MAF: variants seen among roughly 807,000 people sequenced by gnomAD.
MAF encodes the protein transcription factor Maf.
Under a neutral mutation model 22.0 loss-of-function variants are expected in MAF, and 10 were observed. The ratio of observed to expected loss-of-function variants is 0.45; its 90% CI spans 0.28 to 0.77. The LOEUF (loss-of-function observed/expected upper bound fraction) is 0.77. Among genes scored for constraint, MAF ranks in the 30% least tolerant of loss-of-function variants. MAF has a pLI of 0.12. For missense variants in MAF, 544 were observed against 548.4 expected, an observed-to-expected ratio of 0.99 and a Z score of 0.08; for synonymous variants, 337 against 255.8, an observed-to-expected ratio of 1.32 and a Z score of -3.03.
the MAF span, among the ~76,000 whole-genome samples, chr16:79,485,278 C>A: frequency 2.6e-5 from 4 of 152,286 alleles, no homozygotes; most frequent in East Asian, 7.7e-4. Flanking sequence ...ATACTACTTG[C>A]CTCATAGGGT....
At chr16:79,562,345 T>G in the MAF span, among the ~76,000 whole-genome samples, 1 of 152,210 alleles carries the variant, frequency 6.6e-6, no homozygotes, top group African/African-American at 2.4e-5. Context: ...CTCACTGCCT[T>G]AAACAATAGT....
chr16:79,428,326 G>T, the MAF span, among the ~76,000 whole-genome samples: 1 of 152,090 alleles, frequency 6.6e-6, no homozygotes, highest in Non-Finnish European at 1.5e-5. Flanking sequence ...ACCCCTGGGG[G>T]TGGCAAGCAC....
the MAF span, among the ~76,000 whole-genome samples, chr16:79,518,217 A>C: frequency 1.3e-5 from 2 of 152,064 alleles, no homozygotes; most frequent in Admixed American, 1.3e-4. Context: ...AAAGTGGGGG[A>C]CCTGAGGTTT....
chr16:79,557,439 C>T, the MAF span, among the ~76,000 whole-genome samples: 1 of 151,958 alleles, frequency 6.6e-6, no homozygotes, highest in Non-Finnish European at 1.5e-5. Flanking sequence ...GAAATAGATC[C>T]CCCAATAGAG....
chr16:79,366,122 C>T, the MAF span, among the ~76,000 whole-genome samples: 3 of 152,176 alleles, frequency 2.0e-5, no homozygotes. Context: ...GCTAAGAACA[C>T]CCCTGGTTAA....
the MAF span, among the ~76,000 whole-genome samples, chr16:79,545,722 G>C: frequency 6.6e-6 from 1 of 152,186 alleles, no homozygotes; most frequent in East Asian, 1.9e-4. Flanking sequence ...GCAGAGAGTA[G>C]TACGGTGGTT....
At chr16:79,422,461 C>T in the MAF span, among the ~76,000 whole-genome samples, 1 of 152,148 alleles carries the variant, frequency 6.6e-6, no homozygotes, top group African/African-American at 2.4e-5. Context: ...AGACCTGATT[C>T]CCACCTTGAC....
At chr16:79,387,087 T>G in the MAF span, among the ~76,000 whole-genome samples, 1 of 152,236 alleles carries the variant, frequency 6.6e-6, no homozygotes, top group South Asian at 2.1e-4. Flanking sequence ...TTTTTGGTTT[T>G]GTTATTATTA....
chr16:79,295,358 G>A, the MAF span, among the ~76,000 whole-genome samples: 11 of 152,366 alleles, frequency 7.2e-5, no homozygotes, highest in East Asian at 5.8e-4. Flanking sequence ...GCACAGCCAC[G>A]TGGTGGAAGA....
chr16:79,409,429 C>A, the MAF span, among the ~76,000 whole-genome samples: 3 of 152,214 alleles, frequency 2.0e-5, no homozygotes, highest in Non-Finnish European at 4.4e-5. Flanking sequence ...TGTTTCTGAG[C>A]CTGCCAGGTG....
chr16:79,425,915 T>A, the MAF span, among the ~76,000 whole-genome samples: 1 of 152,308 alleles, frequency 6.6e-6, no homozygotes, highest in South Asian at 2.1e-4. Context: ...AACATTCAGA[T>A]TCTAAGTTGG....
the MAF span, among the ~76,000 whole-genome samples, chr16:79,390,557 A>G: frequency 5.3e-5 from 8 of 152,210 alleles, no homozygotes; most frequent in African/African-American, 1.9e-4. Flanking sequence ...ACAATTACAC[A>G]TCAAGGAACA....
chr16:79,494,851 G>T, the MAF span, among the ~76,000 whole-genome samples: 1 of 152,248 alleles, frequency 6.6e-6, no homozygotes, highest in East Asian at 1.9e-4. Flanking sequence ...TATAAATTGG[G>T]GGTTCCCAAG....
the MAF span, chr16:79,211,644 G>T: frequency 3.7e-6 from 6 of 1,614,180 alleles, no homozygotes; most frequent in Non-Finnish European, 5.1e-6. Context: ...CTGTGCTGCT[G>T]TCCCAGAACT....
At chr16:79,255,077 T>A in the MAF span, among the ~76,000 whole-genome samples, 4 of 152,242 alleles carry the variant, frequency 2.6e-5, no homozygotes, top group Non-Finnish European at 5.9e-5. Flanking sequence ...TTATGTCTCC[T>A]GAAAACGTCT....
the MAF span, among the ~76,000 whole-genome samples, chr16:79,290,955 C>T: frequency 1.3e-5 from 2 of 152,060 alleles, no homozygotes; most frequent in Non-Finnish European, 2.9e-5. Context: ...ATGCTTCCTC[C>T]GAGATGTGAT....
At chr16:79,447,096 T>A in the MAF span, among the ~76,000 whole-genome samples, 8 of 151,958 alleles carry the variant, frequency 5.3e-5, no homozygotes, top group Non-Finnish European at 1.2e-4. Context: ...CATGGAGACA[T>A]ACAAAGTGAC....
chr16:79,505,378 G>A, the MAF span, among the ~76,000 whole-genome samples: 4 of 152,162 alleles, frequency 2.6e-5, no homozygotes, highest in Non-Finnish European at 4.4e-5. Context: ...TGTATATTTT[G>A]TGAGGCTGGT....
At chr16:79,588,595 G>A (rs1371504132) in intron 1 of MAF, among the ~76,000 whole-genome samples, 1 of 151,954 alleles carries the variant, frequency 6.6e-6, no homozygotes, top group African/African-American at 2.4e-5. Context: ...CTGAGTAGCT[G>A]GGATTACAGG....
Sources: gnomAD v4.1 joint callset for allele counts (sites outside exome capture counted in the v4.1 genomes callset) on GRCh38, gnomAD v4.1.1 for gene constraint, MANE v1.5 for transcripts, NCBI Gene and HGNC (gene_info 2026-07-23, HGNC 2026-07-21) for gene names.